The following EIF4G3 variants were observed in gnomAD, a reference collection of about 807,000 sequenced individuals.
EIF4G3 encodes eukaryotic translation initiation factor 4 gamma 3, also known as eIF-4-gamma 3.
In EIF4G3, 34 loss-of-function variants were observed where a neutral mutation model predicts 186.4. The observed-to-expected ratio is 0.18, with a 90% CI of 0.14 to 0.24. The LOEUF (loss-of-function observed/expected upper bound fraction) is 0.24, where lower values mean the gene tolerates loss of function less well. Among genes scored for constraint, EIF4G3 ranks in the 10% least tolerant of loss-of-function variants. EIF4G3 has a pLI of 1.00. For synonymous variants in EIF4G3, 673 were observed against 679.5 expected (o/e 0.99, Z 0.15); for missense variants, 1,536 against 1,948.5 (o/e 0.79, Z 3.99).
chr1:20,840,888 T>G lies in EIF4G3; in HGVS notation c.4029A>C (p.Ser1343=), dbSNP rs748462963. Residue 1343 remains serine (S), a synonymous_variant, in exon 30 of 37, where the codon TCA becomes TCC. Transcript: ENST00000602326. ...AAAAGTCCTGTTTGCTGAGTTTTTCTGACTGTACCAGCTGATAGAGTAATT... is the reference window on the plus strand; with the variant it reads ...AAAAGTCCTGTTTGCTGAGTTTTTCGGACTGTACCAGCTGATAGAGTAATT... ...MGQLLYQLVQ[S]EKLSKQDFFK... The G allele has an allele frequency of 3.2e-5, 52 of 1,614,162 alleles. No individual in the cohort carries two copies. The highest frequency in any genetic ancestry group is 1.6e-4 in the Middle Eastern group (1 of 6,062).
chr1:20,981,718 C>T lies in EIF4G3; in HGVS notation c.199-491G>A, dbSNP rs1020172122. Among the ~76,000 whole-genome samples the T allele has an allele frequency of 4.2e-5, 6 of 141,266 alleles. 1 individual carries two copies. The highest frequency in any genetic ancestry group is 7.8e-5 in the African/African-American group (3 of 38,336). The allele number at this position is 141,266 out of a possible 152,430, so 92.7% of individuals were successfully genotyped here. ...TACGCACATACTGTATGTATACATA[C>T]ATGTATACGCACATACTGTATATAC... On this transcript the variant is annotated intron_variant, in intron 8 of 36. Transcript: ENST00000602326.
chr1:21,010,948 C>CATCT (rs1302753981), intron 4 of EIF4G3, among the ~76,000 whole-genome samples: 1 of 152,106 alleles, frequency 6.6e-6, no homozygotes, highest in Non-Finnish European at 1.5e-5. Flanking sequence ...GAGTCCTGGG[C>CATCT]ATCTCTGTAA....
chr1:20,815,921 A>G (rs1245570491), intron 34 of EIF4G3, among the ~76,000 whole-genome samples: 6 of 60,234 alleles, frequency 1.0e-4, no homozygotes, highest in Admixed American at 1.6e-4. Context: ...TCCGGGAGGG[A>G]GGTGGGGGGA....
In EIF4G3 at chr1:20,917,603, G is replaced by C. The variant is rs1314555725; in HGVS notation, c.1664-12632C>G. 2.0e-5 allele frequency among the ~76,000 whole-genome samples: 3 copies of C among 152,226 alleles called. No individual in the cohort carries two copies. In the East Asian group the frequency reaches 5.8e-4, roughly 29 times the overall value. ...AGTGACAAAAAACAGATCAGTGCTT[G>C]CCTGGCGATGAAGATGAGGGTAGTA... On this transcript the variant is annotated intron_variant, in intron 14 of 36. Coordinates refer to ENST00000602326, the MANE Select transcript of EIF4G3 (RefSeq NM_001391906.1).
chr1:21,019,275 C>A (rs2090068093), intron 4 of EIF4G3, among the ~76,000 whole-genome samples: 1 of 152,248 alleles, frequency 6.6e-6, no homozygotes, highest in Admixed American at 6.5e-5. Context: ...AGCACTTATT[C>A]AATTTCACTA....
At chr1:21,024,279 G>A (rs943438940) in intron 4 of EIF4G3, among the ~76,000 whole-genome samples, 5 of 150,224 alleles carry the variant, frequency 3.3e-5, no homozygotes, top group South Asian at 2.1e-4. Flanking sequence ...GCCTCTGCCC[G>A]GCCGCCCCTA....
At chr1:20,965,277 C>A (rs1295928915) in intron 12 of EIF4G3, among the ~76,000 whole-genome samples, 1 of 152,148 alleles carries the variant, frequency 6.6e-6, no homozygotes, top group African/African-American at 2.4e-5. Context: ...TTAAACTTCC[C>A]CATGTATACT....
intron 34 of EIF4G3, among the ~76,000 whole-genome samples, chr1:20,815,465 G>A (rs1257811206): frequency 8.1e-5 from 12 of 148,924 alleles, no homozygotes; most frequent in Non-Finnish European, 1.2e-4. Context: ...CGCCTCTGCT[G>A]GGCCGCAACC....
intron 2 of EIF4G3, among the ~76,000 whole-genome samples, chr1:21,126,588 T>G (rs2097050268): frequency 2.0e-5 from 3 of 151,918 alleles, no homozygotes; most frequent in East Asian, 1.9e-4. Flanking sequence ...CCCAGGAGTT[T>G]CAGGTTACAG....
At chr1:20,856,607 G>T (rs902837701) in intron 25 of EIF4G3, among the ~76,000 whole-genome samples, 1 of 152,128 alleles carries the variant, frequency 6.6e-6, no homozygotes, top group Non-Finnish European at 1.5e-5. Context: ...AGAGAGGAAA[G>T]CAGACAGAGT....
intron 12 of EIF4G3, among the ~76,000 whole-genome samples, chr1:20,964,394 T>G (rs1285936874): frequency 6.6e-6 from 1 of 152,224 alleles, no homozygotes; most frequent in Non-Finnish European, 1.5e-5. Flanking sequence ...GGATCCAATG[T>G]GTATATACAG....
chr1:21,125,352 T>C (rs1029496550), intron 2 of EIF4G3, among the ~76,000 whole-genome samples: 1 of 152,206 alleles, frequency 6.6e-6, no homozygotes, highest in Non-Finnish European at 1.5e-5. Context: ...GTACCCTCAC[T>C]TTCTTAATGA....
At chr1:21,063,055 ATTTT>A (rs1291166278) in intron 3 of EIF4G3, among the ~76,000 whole-genome samples, 5 of 152,060 alleles carry the variant, frequency 3.3e-5, no homozygotes, top group Admixed American at 6.6e-5. Context: ...ATATATATTT[ATTTT>A]TTTAATTTTT....
At chr1:20,960,670 G>A (rs537521450) in intron 12 of EIF4G3, among the ~76,000 whole-genome samples, 2 of 152,048 alleles carry the variant, frequency 1.3e-5, no homozygotes, top group Non-Finnish European at 2.9e-5. Flanking sequence ...GAGGTGGGAG[G>A]ATTGCTTGAG....
At chr1:20,822,199 T>G (rs1350867019) in intron 33 of EIF4G3, among the ~76,000 whole-genome samples, 1 of 152,176 alleles carries the variant, frequency 6.6e-6, no homozygotes, top group East Asian at 1.9e-4. Flanking sequence ...ACATAAAGAT[T>G]ATTCATAAAA....
At chr1:20,886,500 T>G in intron 18 of EIF4G3, 129 bp from the exon 19 acceptor site, 1 of 768,316 alleles carries the variant, frequency 1.3e-6, no homozygotes, top group Non-Finnish European at 2.0e-6. Context: ...GTACTCAAAC[T>G]GGAGGTAATC....
intron 12 of EIF4G3, among the ~76,000 whole-genome samples, chr1:20,962,908 GT>G (rs66593105): frequency 0.4 from 55,077 of 139,018 alleles, 11,219 homozygotes; most frequent in Non-Finnish European, 0.47. Context: ...TTGTAGTTTT[GT>G]TTTTTTTTTG....
In EIF4G3 at chr1:20,984,624, C is replaced by CT. The variant is rs796854947; in HGVS notation, c.178-2217dup. Among the ~76,000 whole-genome samples the CT allele has an allele frequency of 3.4e-5, 5 of 148,436 alleles. 1 individual carries two copies. The highest frequency in any genetic ancestry group is 1.2e-4 in the African/African-American group (5 of 40,200). ...TTTTTTTTTGAGACGGAGTCTTGCT[C>CT]TGTCTCCCAGGCTGGAGTGCAGTGG... On this transcript the variant is annotated intron_variant, in intron 7 of 36. Transcript: ENST00000602326.
chr1:21,038,360 C>T (rs2093360899), intron 4 of EIF4G3, among the ~76,000 whole-genome samples: 1 of 152,212 alleles, frequency 6.6e-6, no homozygotes, highest in South Asian at 2.1e-4. Flanking sequence ...CAAAAGTATT[C>T]TACAATGTCT....
Sources: gnomAD v4.1 joint callset for allele counts (sites outside exome capture counted in the v4.1 genomes callset) on GRCh38, gnomAD v4.1.1 for gene constraint, MANE v1.5 for transcripts, NCBI Gene and HGNC (gene_info 2026-07-23, HGNC 2026-07-21) for gene names.